The following ACSM1 variants were observed in gnomAD, a reference collection of about 807,000 sequenced individuals.
The protein encoded by ACSM1 is acyl-coenzyme A synthetase ACSM1, mitochondrial.
ACSM1 carries 79 observed loss-of-function variants against 75.8 expected under a neutral mutation model. The ratio of observed to expected loss-of-function variants is 1.04; its 90% CI spans 0.87 to 1.26. The LOEUF (loss-of-function observed/expected upper bound fraction) is 1.26, where lower values mean the gene tolerates loss of function less well. ACSM1 is among the 50% of genes most tolerant of loss of function. The pLI, the probability that ACSM1 is intolerant of heterozygous loss-of-function variation, is 0.00. For missense variants in ACSM1, 676 were observed against 720.1 expected, an observed-to-expected ratio of 0.94 and a Z score of 0.70; for synonymous variants, 279 against 265.8, an observed-to-expected ratio of 1.05 and a Z score of -0.48.
chr16:20,651,896 CA>C (rs1410710948), intron 7 of ACSM1, among the ~76,000 whole-genome samples: 1 of 151,546 alleles, frequency 6.6e-6, no homozygotes, highest in Non-Finnish European at 1.5e-5. Context: ...ATCTATTGAT[CA>C]AATGGTTTCA....
intron 7 of ACSM1, among the ~76,000 whole-genome samples, chr16:20,640,885 C>T (rs1036650282): frequency 4.6e-5 from 7 of 152,158 alleles, no homozygotes; most frequent in African/African-American, 1.7e-4. Context: ...ATCAGAACTC[C>T]TCTTGGGGAA....
intron 8 of ACSM1, among the ~76,000 whole-genome samples, chr16:20,638,015 T>C (rs927370206): frequency 1.3e-5 from 2 of 152,230 alleles, no homozygotes; most frequent in African/African-American, 4.8e-5. Context: ...GTTGTCTGGA[T>C]TGCTTGTGCT....
In ACSM1 at chr16:20,623,561, G is replaced by C. The variant is rs570715242; in HGVS notation, c.1659C>G (p.Val553=). ...PYKYPRKVEF[V]SELPKTITGK... ...CAGTGATGGTTTTTGGCAGCTCTGA[G>C]ACAAACTCCACCTGGTTGAGGATAA... The change falls in exon 14 of 14, where the codon GTC becomes GTG. Residue 553 remains valine (V), a synonymous_variant. Transcript: ENST00000520010. 6.2e-7 allele frequency: 1 copy of C among 1,614,074 alleles called. No homozygotes were observed. Among genetic ancestry groups the C allele is most frequent in the African/African-American group, 1.3e-5 (1 of 75,028 alleles).
At chr16:20,664,147 G>GTATTTATTTATTTATTTATT (rs71149169) in intron 6 of ACSM1, among the ~76,000 whole-genome samples, 8,600 of 145,492 alleles carry the variant, frequency 0.059, 301 homozygotes, top group African/African-American at 0.076. Context: ...AAATTGAATA[G>GTATTTATTTATTTATTTATT]TATTTATTTA....
intron 7 of ACSM1, among the ~76,000 whole-genome samples, chr16:20,655,420 A>T (rs948052127): frequency 2.0e-5 from 3 of 151,476 alleles, no homozygotes; most frequent in Non-Finnish European, 3.0e-5. Context: ...AAAATAAAAT[A>T]AAAAAAGAAA....
chr16:20,624,818 T>G (rs1270344023), intron 12 of ACSM1, among the ~76,000 whole-genome samples: 1 of 151,888 alleles, frequency 6.6e-6, no homozygotes, highest in Non-Finnish European at 1.5e-5. Flanking sequence ...CCTCAGCCTC[T>G]CAAGTAGCTG....
At position 20,624,096 on chromosome 16, in the gene ACSM1, C is replaced by A. The variant is rs3743690; in HGVS notation, c.1647G>T (p.Lys549Asn). ...SVTAPYKYPR[K>N]VEFVSELPKT... is the part of the protein sequence containing the mutation. ...ATCCCTTCCATCTGCCCTCACTCACCTTCCTTGGGTACTTGTATGGGGCTG... is the reference window on the plus strand; with the variant it reads ...ATCCCTTCCATCTGCCCTCACTCACATTCCTTGGGTACTTGTATGGGGCTG... Residue 549 changes from lysine to asparagine, a missense_variant and splice_region_variant, in exon 13 of 14, where the codon AAG becomes AAT. Coordinates refer to ENST00000520010, the MANE Select transcript of ACSM1 (RefSeq NM_001318890.3). The A allele has an allele frequency of 2.5e-6, 4 of 1,611,594 alleles. No individual in the cohort carries two copies. In the Admixed American group the frequency reaches 6.7e-5, roughly 27 times the overall value.
At position 20,637,470 on chromosome 16, in the gene ACSM1, A is replaced by T. The variant is rs372114921; in HGVS notation, c.1117-19T>A. 1.1e-5 allele frequency: 17 copies of T among 1,609,902 alleles called. No homozygotes were observed. The African/African-American group carries it at 2.3e-4, about 22-fold the overall frequency. ...TTAGTCCCTGTTCACAAAAGAAAGA[A>T]GATTTGGGTTGATCAGAGAGGCCAG... On this transcript the variant is annotated intron_variant, in intron 8 of 13. Transcript: ENST00000520010.
intron 7 of ACSM1, among the ~76,000 whole-genome samples, chr16:20,647,822 T>C (rs1284397303): frequency 6.6e-6 from 1 of 152,192 alleles, no homozygotes; most frequent in Non-Finnish European, 1.5e-5. Flanking sequence ...TGTCTAGACT[T>C]TCTGGCTCCT....
intron 1 of ACSM1, among the ~76,000 whole-genome samples, chr16:20,695,707 A>C (rs1158832238): frequency 6.9e-6 from 1 of 144,834 alleles, no homozygotes; most frequent in Non-Finnish European, 1.5e-5. Context: ...ATCTATCTAG[A>C]TATATAAGAA....
chr16:20,663,076 A>G (rs145610611), intron 6 of ACSM1, among the ~76,000 whole-genome samples: 1 of 151,986 alleles, frequency 6.6e-6, no homozygotes, highest in African/African-American at 2.4e-5. Context: ...CCTTTGGGAC[A>G]CCAATCTCTG....
rs751725508 is a variant in ACSM1, at chr16:20,691,052, G to A, written c.137C>T (p.Pro46Leu). The change falls in exon 2 of 14, where the codon CCG (proline) becomes CTG (leucine). Residue 46 changes from proline to leucine, a missense_variant. Coordinates refer to ENST00000520010, the MANE Select transcript of ACSM1 (RefSeq NM_001318890.3). Reference sequence around the variant, plus strand: ...ATAACTTGCAAAGTTAAATTCCTCCGGTACTTCATAGTCATTCCATCTTGG... The same window carrying A: ...ATAACTTGCAAAGTTAAATTCCTCCAGTACTTCATAGTCATTCCATCTTGG... Reference protein sequence around the residue: ...GAPRWNDYEVPEEFNFASYVL... With the variant: ...GAPRWNDYEVLEEFNFASYVL... The A allele has an allele frequency of 6.2e-5, 100 of 1,613,610 alleles. No individual in the cohort carries two copies. In the East Asian group the frequency reaches 8.2e-4, roughly 13 times the overall value.
intron 10 of ACSM1, 32 bp downstream of exon 10, chr16:20,636,707 G>A: frequency 1.3e-6 from 2 of 1,535,660 alleles, no homozygotes; most frequent in Non-Finnish European, 1.8e-6. Flanking sequence ...GGATCCTTGG[G>A]GCCAGGATGG....
chr16:20,693,241 G>A (rs1287316094), intron 1 of ACSM1, among the ~76,000 whole-genome samples: 1 of 151,892 alleles, frequency 6.6e-6, no homozygotes, highest in Admixed American at 6.6e-5. Flanking sequence ...GGACTGGGAT[G>A]TGGCATTGAG....
At chr16:20,624,005 T>G in intron 13 of ACSM1, 91 bp downstream of exon 13, 1 of 1,553,010 alleles carries the variant, frequency 6.4e-7, no homozygotes, top group Non-Finnish European at 8.8e-7. Context: ...CTCCATTGTT[T>G]GGGGCTGTTT....
intron 7 of ACSM1, among the ~76,000 whole-genome samples, chr16:20,659,455 G>A (rs1160083202): frequency 6.6e-6 from 1 of 152,106 alleles, no homozygotes; most frequent in Non-Finnish European, 1.5e-5. Flanking sequence ...TAAGGTGCCT[G>A]GGGAGTCATA....
chr16:20,624,498 T>C (rs966000982), intron 12 of ACSM1, among the ~76,000 whole-genome samples: 3 of 152,192 alleles, frequency 2.0e-5, no homozygotes, highest in Non-Finnish European at 4.4e-5. Flanking sequence ...ATAATACATA[T>C]AAAACATCCA....
intron 7 of ACSM1, among the ~76,000 whole-genome samples, chr16:20,647,371 G>A (rs907433360): frequency 6.6e-5 from 10 of 152,310 alleles, no homozygotes; most frequent in African/African-American, 1.7e-4. Flanking sequence ...GGACCAATGC[G>A]TCCTGACTCA....
At chr16:20,649,231 A>G (rs163268) in intron 7 of ACSM1, among the ~76,000 whole-genome samples, 47,273 of 151,986 alleles carry the variant, frequency 0.31, 8,339 homozygotes, top group East Asian at 0.64. Context: ...TAAAGGGTCT[A>G]GGGAGTCATG....
Sources: gnomAD v4.1 joint callset for allele counts (sites outside exome capture counted in the v4.1 genomes callset) on GRCh38, gnomAD v4.1.1 for gene constraint, MANE v1.5 for transcripts, NCBI Gene and HGNC (gene_info 2026-07-23, HGNC 2026-07-21) for gene names.